SACS: variants seen among roughly 807,000 people sequenced by gnomAD.
SACS encodes sacsin molecular chaperone.
In SACS, 197 loss-of-function variants were observed where a neutral mutation model predicts 348.0. That is an observed-to-expected ratio of 0.57 (90% CI 0.50 to 0.64). The LOEUF (loss-of-function observed/expected upper bound fraction) is 0.64, where lower values mean the gene tolerates loss of function less well. Among genes scored for constraint, SACS ranks in the 30% least tolerant of loss-of-function variants. The pLI is 0.00. For missense variants in SACS, 4,999 were observed against 5,360.8 expected, an observed-to-expected ratio of 0.93 and a Z score of 2.11; for synonymous variants, 1,985 against 1,910.6, an observed-to-expected ratio of 1.04 and a Z score of -1.02.
At position 23,333,379 on chromosome 13, in the gene SACS, G is replaced by T. The variant is rs755186798; in HGVS notation, c.10497C>A (p.Tyr3499Ter). ...SYDAKLEHLIYLKNRLSSAEE... is the reference protein window; with the variant it reads ...SYDAKLEHLI ...CAGCACTTGATAATCTATTCTTAAG[G>T]TAGATCAAGTGCTCTAATTTTGCAT... The change falls in exon 10 of 10, where the codon TAC becomes TAA. Residue 3499 changes from tyrosine to a stop codon, truncating the protein, a stop_gained. Transcript: ENST00000382292. LOFTEE classifies it high-confidence loss of function. 1 of 1,602,782 alleles carries T rather than the reference G, an allele frequency of 6.2e-7. No individual in the cohort carries two copies. Among genetic ancestry groups the T allele is most frequent in the Non-Finnish European group, 8.5e-7 (1 of 1,175,890 alleles).
rs1871186896 is a variant in SACS at position 23,368,385 on chromosome 13, CACG to C, written c.345+14_345+16del. 6.4e-7 allele frequency: 1 copy of C among 1,565,158 alleles called. No individual in the cohort carries two copies. The highest frequency in any genetic ancestry group is 1.4e-5 in the African/African-American group (1 of 73,934). On this transcript the variant is annotated intron_variant, in intron 5 of 9. Transcript: ENST00000382292. ...TTTATCAAAGTAAATAACACATGAA[CACG>C]ACATGTGCCCCACCTTAAGAATCTG...
At chr13:23,352,123 C>G (rs953818267) in intron 9 of SACS, among the ~76,000 whole-genome samples, 2 of 152,236 alleles carry the variant, frequency 1.3e-5, no homozygotes, top group Non-Finnish European at 2.9e-5. Flanking sequence ...TGCTGACCTT[C>G]TACCCTTCTC....
intron 1 of SACS, among the ~76,000 whole-genome samples, chr13:23,429,345 A>ATGGTTT (rs1874330980): frequency 1.9e-5 from 1 of 51,466 alleles, no homozygotes; most frequent in Non-Finnish European, 3.5e-5. Flanking sequence ...TGAGGTAGGG[A>ATGGTTT]TTTTTTTTTT....
chr13:23,360,221 CAGTATG>C (rs766073929), intron 6 of SACS, among the ~76,000 whole-genome samples: 135 of 151,964 alleles, frequency 8.9e-4, no homozygotes, highest in Non-Finnish European at 1.7e-3. Flanking sequence ...TTATTATAAG[CAGTATG>C]AGTATATGAT....
In SACS at chr13:23,330,653, T is replaced by C. The variant is rs1883409062; in HGVS notation, c.13223A>G (p.His4408Arg). ...GTTCTGTTGCTGTCTTTCAGATTTA[T>C]GGCTCGTTGCTTCTTGATTCCATGA... ...YTSWNQEATS[H>R]KSERQQQNKE... Residue 4408 changes from histidine (H) to arginine (R), a missense_variant, in exon 10 of 10, where the codon CAT (histidine) becomes CGT (arginine). His to Arg is a conservative substitution (Grantham distance 29). Around this residue, in one of 6 missense-constraint regions of SACS, gnomAD observed 254 missense variants for 275.1 expected, o/e 0.92. Transcript: ENST00000382292. 1.9e-6 allele frequency: 3 copies of C among 1,614,122 alleles called. No homozygotes were observed. The highest frequency in any genetic ancestry group is 2.5e-6 in the Non-Finnish European group (3 of 1,180,006).
intron 2 of SACS, among the ~76,000 whole-genome samples, chr13:23,382,223 G>A (rs530751841): frequency 2.0e-5 from 3 of 151,850 alleles, no homozygotes; most frequent in Admixed American, 6.6e-5. Flanking sequence ...GTGTGATCTC[G>A]GCTCACTGCA....
intron 5 of SACS, among the ~76,000 whole-genome samples, chr13:23,365,595 G>T (rs969380152): frequency 4.6e-5 from 7 of 152,114 alleles, no homozygotes; most frequent in Non-Finnish European, 7.4e-5. Flanking sequence ...TTTGTTCAAA[G>T]GAAATTATTC....
At chr13:23,398,779 A>G (rs1872820279) in intron 2 of SACS, among the ~76,000 whole-genome samples, 1 of 152,030 alleles carries the variant, frequency 6.6e-6, no homozygotes. Flanking sequence ...AACAGACTTC[A>G]GAGAGAGCAG....
intron 3 of SACS, 135 bp downstream of exon 3, chr13:23,374,984 G>T: frequency 1.2e-6 from 1 of 866,644 alleles, no homozygotes; most frequent in Non-Finnish European, 1.6e-6. Flanking sequence ...CACAACTCAG[G>T]ACAAGCACAG....
At chr13:23,385,707 A>G (rs1872264240) in intron 2 of SACS, among the ~76,000 whole-genome samples, 1 of 152,176 alleles carries the variant, frequency 6.6e-6, no homozygotes, top group Non-Finnish European at 1.5e-5. Context: ...CTTTCCAGGA[A>G]CTTTTCAATT....
intron 3 of SACS, among the ~76,000 whole-genome samples, chr13:23,374,671 G>A (rs1345883558): frequency 6.6e-6 from 1 of 152,086 alleles, no homozygotes; most frequent in African/African-American, 2.4e-5. Flanking sequence ...AAGATAACAG[G>A]TTCTATATTA....
chr13:23,393,144 A>G (rs1477062504), intron 2 of SACS, among the ~76,000 whole-genome samples: 8 of 152,194 alleles, frequency 5.3e-5, no homozygotes, highest in Non-Finnish European at 1.2e-4. Flanking sequence ...TGGAAAGAAC[A>G]TGAACAAACT....
intron 2 of SACS, among the ~76,000 whole-genome samples, chr13:23,400,721 G>A (rs1246457443): frequency 6.6e-6 from 1 of 152,090 alleles, no homozygotes; most frequent in Non-Finnish European, 1.5e-5. Flanking sequence ...CGCCCGGCCA[G>A]TCACTTTGGT....
At chr13:23,424,744 A>G (rs896279431) in intron 1 of SACS, among the ~76,000 whole-genome samples, 3 of 152,184 alleles carry the variant, frequency 2.0e-5, no homozygotes, top group Non-Finnish European at 4.4e-5. Context: ...ATATCAACAT[A>G]TGAACGTCCA....
chr13:23,340,242 CT>C lies in SACS; in HGVS notation c.3633del (p.Ala1212HisfsTer2), dbSNP rs1555252587. 6.2e-7 allele frequency: 1 copy of C among 1,610,856 alleles called. No homozygotes were observed. The highest frequency in any genetic ancestry group is 8.5e-7 in the Non-Finnish European group (1 of 1,178,190). ...LVESIHVNLE[K>X]ALGIFTKPSL... ...CTAGGTTTTGTGAAGATCCCTAATG[CT>C]TTTTCCAGGTTTACATGGATACTTT... On this transcript the variant is annotated frameshift_variant, in exon 10 of 10. Coordinates refer to ENST00000382292, the MANE Select transcript of SACS (RefSeq NM_014363.6). LOFTEE classifies it high-confidence loss of function.
chr13:23,400,608 G>C (rs1318742090), intron 2 of SACS, among the ~76,000 whole-genome samples: 1 of 152,128 alleles, frequency 6.6e-6, no homozygotes, highest in Non-Finnish European at 1.5e-5. Context: ...TTTTAGTAGA[G>C]ACACGGTTTC....
chr13:23,365,537 C>T (rs1242938133), intron 5 of SACS, among the ~76,000 whole-genome samples: 3 of 152,086 alleles, frequency 2.0e-5, no homozygotes, highest in African/African-American at 7.2e-5. Flanking sequence ...GCAAATTAAT[C>T]CTGGGCCCTA....
chr13:23,427,905 C>CT (rs1874256069), intron 1 of SACS: 1 of 152,234 alleles, frequency 6.6e-6, no homozygotes, highest in African/African-American at 2.4e-5. Context: ...CACGAATACT[C>CT]TATCTCCTCT....
intron 2 of SACS, among the ~76,000 whole-genome samples, chr13:23,407,680 A>G (rs1032677555): frequency 6.6e-6 from 1 of 152,086 alleles, no homozygotes; most frequent in Admixed American, 6.6e-5. Flanking sequence ...CAACAGGGGG[A>G]ACTAAAATAG....
Sources: allele counts gnomAD v4.1 joint callset (sites outside exome capture counted in the v4.1 genomes callset), GRCh38; gene constraint gnomAD v4.1.1; regional missense constraint gnomAD v4.1.1; transcripts MANE v1.5; gene names NCBI Gene and HGNC (gene_info 2026-07-23, HGNC 2026-07-21).